BBOX1: variants seen among roughly 807,000 people sequenced by gnomAD.
BBOX1 encodes the protein gamma-butyrobetaine hydroxylase 1.
Under a neutral mutation model 41.6 loss-of-function variants are expected in BBOX1, and 35 were observed. The observed-to-expected ratio is 0.84, with a 90% CI of 0.64 to 1.11. The LOEUF (loss-of-function observed/expected upper bound fraction) is 1.11, where lower values mean the gene tolerates loss of function less well. BBOX1 is among the 50% of genes most tolerant of loss of function. BBOX1 has a pLI of 0.00. For missense variants in BBOX1, 458 were observed against 460.6 expected (o/e 0.99, Z 0.05); for synonymous variants, 163 against 154.7 (o/e 1.05, Z -0.40).
chr11:27,054,527 G>A (rs144279731), intron 2 of BBOX1, among the ~76,000 whole-genome samples: 26 of 152,242 alleles, frequency 1.7e-4, no homozygotes, highest in African/African-American at 5.8e-4. Context: ...CAACACCGTT[G>A]CTCAAGCATA....
chr11:27,089,491 T>A (rs1858160993), intron 4 of BBOX1, among the ~76,000 whole-genome samples: 1 of 152,022 alleles, frequency 6.6e-6, no homozygotes, highest in African/African-American at 2.4e-5. Flanking sequence ...ATGTAGACAA[T>A]ACCTAATTCC....
chr11:27,117,449 G>C (rs1409019993), intron 6 of BBOX1, among the ~76,000 whole-genome samples: 1 of 151,892 alleles, frequency 6.6e-6, no homozygotes, highest in African/African-American at 2.4e-5. Context: ...ACACTTTTGG[G>C]TAAGGGTTGG....
At chr11:27,064,482 A>G (rs1857223924) in intron 4 of BBOX1, among the ~76,000 whole-genome samples, 1 of 152,104 alleles carries the variant, frequency 6.6e-6, no homozygotes, top group East Asian at 1.9e-4. Context: ...TGCAAAATGG[A>G]CCTACTGACT....
At chr11:27,097,432 G>T (rs1480480029) in intron 5 of BBOX1, among the ~76,000 whole-genome samples, 1 of 151,924 alleles carries the variant, frequency 6.6e-6, no homozygotes, top group East Asian at 1.9e-4. Context: ...CCCAAAGAAA[G>T]TACAATTTCT....
At chr11:27,098,696 A>G (rs1403519370) in intron 5 of BBOX1, among the ~76,000 whole-genome samples, 1 of 152,052 alleles carries the variant, frequency 6.6e-6, no homozygotes, top group Non-Finnish European at 1.5e-5. Flanking sequence ...GGACAACTAA[A>G]TAAACTGGAG....
chr11:27,064,485 T>C lies in BBOX1; in HGVS notation c.334+7170T>C, dbSNP rs375556199. ...TTGCCTGTCATATGCAAAATGGACC[T>C]ACTGACTTGCAGAGAAATATCTCTA... On this transcript the variant is annotated intron_variant, in intron 4 of 8. Transcript: ENST00000263182. 4.6e-5 allele frequency among the ~76,000 whole-genome samples: 7 copies of C among 152,328 alleles called. No individual in the cohort carries two copies. The East Asian group carries it at 1.2e-3, about 25-fold the overall frequency.
chr11:27,124,234 A>G (rs999105316), intron 7 of BBOX1, among the ~76,000 whole-genome samples: 2 of 152,318 alleles, frequency 1.3e-5, no homozygotes, highest in South Asian at 4.2e-4. Flanking sequence ...GTTGGCTCTC[A>G]TTAGCACTTC....
intron 5 of BBOX1, among the ~76,000 whole-genome samples, chr11:27,108,968 C>T (rs1858960477): frequency 6.6e-6 from 1 of 152,054 alleles, no homozygotes; most frequent in East Asian, 1.9e-4. Flanking sequence ...CCTGTTTACA[C>T]TCATTCAGTC....
chr11:27,118,349 A>G (rs1250583769), intron 6 of BBOX1, among the ~76,000 whole-genome samples: 2 of 152,052 alleles, frequency 1.3e-5, no homozygotes, highest in African/African-American at 4.8e-5. Flanking sequence ...TTCCATTTTG[A>G]ATTATTCCAG....
chr11:27,090,155 G>A (rs752715809), intron 4 of BBOX1, among the ~76,000 whole-genome samples: 18 of 151,934 alleles, frequency 1.2e-4, no homozygotes, highest in Non-Finnish European at 2.4e-4. Context: ...AGAGTAGCTG[G>A]GCATCAAGAA....
At chr11:27,050,144 G>A (rs1294502149) in intron 2 of BBOX1, among the ~76,000 whole-genome samples, 1 of 152,020 alleles carries the variant, frequency 6.6e-6, no homozygotes, top group Non-Finnish European at 1.5e-5. Context: ...TGGGATCTTT[G>A]TCAAAGATTA....
chr11:27,104,208 C>T (rs1211651206), intron 5 of BBOX1, among the ~76,000 whole-genome samples: 5 of 152,222 alleles, frequency 3.3e-5, no homozygotes, highest in East Asian at 3.9e-4. Context: ...AAATCCCCTC[C>T]GAAGTTTAAC....
At chr11:27,112,944 A>T (rs2099886) in intron 5 of BBOX1, among the ~76,000 whole-genome samples, 152,064 of 152,120 alleles carry the variant, frequency 1, 76,004 homozygotes, top group Middle Eastern at 1. Context: ...TATAAGGAAC[A>T]TAAATTTACA....
At chr11:27,062,723 C>G (rs1325063932) in intron 4 of BBOX1, among the ~76,000 whole-genome samples, 1 of 152,052 alleles carries the variant, frequency 6.6e-6, no homozygotes, top group African/African-American at 2.4e-5. Context: ...GCATCACACC[C>G]AGCTAATTTT....
At chr11:27,063,695 T>C (rs1590176732) in intron 4 of BBOX1, among the ~76,000 whole-genome samples, 1 of 152,060 alleles carries the variant, frequency 6.6e-6, no homozygotes, top group African/African-American at 2.4e-5. Flanking sequence ...CAATTCTTTA[T>C]GCCTCTCTCA....
In BBOX1 at chr11:27,083,949, C is replaced by T. The variant is rs1590198368; in HGVS notation, c.335-9219C>T. ...GCAGGAGATTTCCAGAAGGGCATTG[C>T]AGAGGGTGCCAGTGCCCTGCCATAG... On this transcript the variant is annotated intron_variant, in intron 4 of 8. Transcript: ENST00000263182. Among the ~76,000 whole-genome samples, 3 of 152,086 alleles carry T rather than the reference C, an allele frequency of 2.0e-5. No individual in the cohort carries two copies. In the East Asian group the frequency reaches 5.8e-4, roughly 29 times the overall value.
chr11:27,058,694 C>T (rs919385363), intron 4 of BBOX1, among the ~76,000 whole-genome samples: 7 of 152,046 alleles, frequency 4.6e-5, no homozygotes, highest in Non-Finnish European at 1.0e-4. Context: ...TATCCATGCC[C>T]TAGGGATATG....
Position 27,054,502 on chromosome 11 carries a change from T to TAA in BBOX1, c.-38-890_-38-889dup, listed in dbSNP as rs1856919313. 2.0e-5 allele frequency among the ~76,000 whole-genome samples: 3 copies of TAA among 152,184 alleles called. No homozygotes were observed. In the South Asian group the frequency reaches 6.2e-4, roughly 31 times the overall value. On this transcript the variant is annotated intron_variant, in intron 2 of 8. Coordinates refer to ENST00000263182, the MANE Select transcript of BBOX1 (RefSeq NM_003986.3). ...TTCTGAAGGTCAAATATATAGTCAC[T>TAA]AATGGAATCAGGATCAACACCGTTG...
chr11:27,091,378 T>C (rs2134038792), intron 4 of BBOX1, among the ~76,000 whole-genome samples: 1 of 152,092 alleles, frequency 6.6e-6, no homozygotes. Flanking sequence ...ATTGAAAAGA[T>C]AAACCAACAA....
Sources: allele counts gnomAD v4.1 joint callset (sites outside exome capture counted in the v4.1 genomes callset), GRCh38; gene constraint gnomAD v4.1.1; transcripts MANE v1.5; gene names NCBI Gene and HGNC (gene_info 2026-07-23, HGNC 2026-07-21).